Variants in LOC400499 observed in about 807,000 individuals in gnomAD.
At chr16:11,501,217 G>A in the LOC400499 span, among the ~76,000 whole-genome samples, 6 of 151,974 alleles carry the variant, frequency 3.9e-5, no homozygotes, top group African/African-American at 1.5e-4. Context: ...GAAAACACAA[G>A]TCCGTACCCA....
At chr16:11,453,993 A>G in the LOC400499 span, among the ~76,000 whole-genome samples, 3 of 152,214 alleles carry the variant, frequency 2.0e-5, no homozygotes, top group East Asian at 5.8e-4. Context: ...GAAACACCCT[A>G]TGCTAAGGAC....
the LOC400499 span, among the ~76,000 whole-genome samples, chr16:11,382,125 CAG>C: frequency 6.6e-6 from 1 of 151,702 alleles, no homozygotes; most frequent in Non-Finnish European, 1.5e-5. Flanking sequence ...GTGGTAGAGA[CAG>C]GGGTTTCGCC....
At chr16:11,380,039 C>A in the LOC400499 span, among the ~76,000 whole-genome samples, 26 of 152,288 alleles carry the variant, frequency 1.7e-4, no homozygotes, top group African/African-American at 6.3e-4. Context: ...CTCAATGTAA[C>A]CTCAAGCCCC....
At chr16:11,405,704 C>A in the LOC400499 span, among the ~76,000 whole-genome samples, 1 of 152,186 alleles carries the variant, frequency 6.6e-6, no homozygotes, top group Non-Finnish European at 1.5e-5. Context: ...ATTATTATTG[C>A]CCTGCCCCTG....
At chr16:11,412,995 C>G in the LOC400499 span, 5 of 399,050 alleles carry the variant, frequency 1.3e-5, no homozygotes, top group African/African-American at 2.1e-5. Context: ...GTGTACATAG[C>G]CTGAGGAGCC....
At chr16:11,437,124 T>C in the LOC400499 span, among the ~76,000 whole-genome samples, 10 of 152,050 alleles carry the variant, frequency 6.6e-5, no homozygotes, top group Non-Finnish European at 1.0e-4. Flanking sequence ...AAACCACAGA[T>C]AGTAAAATGA....
At chr16:11,417,789 G>T in the LOC400499 span, 1 of 398,998 alleles carries the variant, frequency 2.5e-6, no homozygotes, top group Non-Finnish European at 4.4e-6. Flanking sequence ...CCATCAGGAT[G>T]CGTCCAGAAT....
chr16:11,384,955 G>C, the LOC400499 span: 1 of 1,232,062 alleles, frequency 8.1e-7, no homozygotes, highest in South Asian at 4.1e-5. Context: ...CAGACACCCC[G>C]TCCTCGCTGG....
chr16:11,468,545 C>T, the LOC400499 span, among the ~76,000 whole-genome samples: 2 of 152,276 alleles, frequency 1.3e-5, no homozygotes, highest in South Asian at 2.1e-4. Flanking sequence ...AGGTTTATCT[C>T]GAACTCCTAC....
chr16:11,383,555 C>T, the LOC400499 span: 42 of 1,201,794 alleles, frequency 3.5e-5, no homozygotes, highest in Non-Finnish European at 4.3e-5. Context: ...TTTGTCCTCC[C>T]TGGTGAGAGA....
the LOC400499 span, among the ~76,000 whole-genome samples, chr16:11,513,032 C>T: frequency 6.6e-6 from 1 of 152,218 alleles, no homozygotes; most frequent in Non-Finnish European, 1.5e-5. Flanking sequence ...AGGTCCCAGC[C>T]CTGCCTCTCA....
chr16:11,410,634 G>A, the LOC400499 span, among the ~76,000 whole-genome samples: 1 of 152,178 alleles, frequency 6.6e-6, no homozygotes, highest in African/African-American at 2.4e-5. Flanking sequence ...ACCAAAACAT[G>A]GTGGCTGGTA....
the LOC400499 span, chr16:11,390,115 G>A: frequency 4.1e-6 from 5 of 1,232,044 alleles, no homozygotes; most frequent in South Asian, 4.1e-5. Flanking sequence ...CTGGCCGACA[G>A]GCTGTACAGG....
At chr16:11,491,885 C>A in the LOC400499 span, 2 of 398,608 alleles carry the variant, frequency 5.0e-6, no homozygotes, top group Non-Finnish European at 8.9e-6. Flanking sequence ...CAAGGCCTAC[C>A]TACCTCCACC....
At chr16:11,475,597 C>A in the LOC400499 span, 1 of 399,030 alleles carries the variant, frequency 2.5e-6, no homozygotes, top group Non-Finnish European at 4.4e-6. Flanking sequence ...CACCTTGGTA[C>A]AATGTCATGG....
At chr16:11,460,468 G>A in the LOC400499 span, 2 of 1,517,534 alleles carry the variant, frequency 1.3e-6, no homozygotes, top group East Asian at 2.5e-5. Context: ...ACCTGGCCTG[G>A]GAACCCACCT....
the LOC400499 span, among the ~76,000 whole-genome samples, chr16:11,489,419 A>G: frequency 6.6e-6 from 1 of 152,334 alleles, no homozygotes; most frequent in Middle Eastern, 3.4e-3. Context: ...AGCACATTTC[A>G]GCATCAACAA....
At chr16:11,389,988 A>C in the LOC400499 span, 3 of 564,040 alleles carry the variant, frequency 5.3e-6, no homozygotes, top group Non-Finnish European at 7.9e-6. Flanking sequence ...AGGAGAGAAG[A>C]AGCCCCTGGG....
At chr16:11,387,550 G>A in the LOC400499 span, among the ~76,000 whole-genome samples, 4 of 152,294 alleles carry the variant, frequency 2.6e-5, no homozygotes, top group South Asian at 2.1e-4. Context: ...ACAGATGTCC[G>A]ATGTCATGCC....
Sources: allele counts gnomAD v4.1 joint callset (sites outside exome capture counted in the v4.1 genomes callset), GRCh38; gene constraint gnomAD v4.1.1; transcripts MANE v1.5.